Variants in IL12RB1 observed in about 807,000 individuals in gnomAD.
IL12RB1 encodes the protein interleukin 12 receptor subunit beta 1, also known as interleukin-12 receptor subunit beta-1.
Under a neutral mutation model 94.4 loss-of-function variants are expected in IL12RB1, and 64 were observed. That is an observed-to-expected ratio of 0.68 (90% CI 0.55 to 0.83). The LOEUF (loss-of-function observed/expected upper bound fraction) is 0.83, where lower values mean the gene tolerates loss of function less well. Ranked by LOEUF, IL12RB1 falls within the 40% of genes least tolerant of loss-of-function variation. The pLI is 0.00. For missense variants in IL12RB1, 814 were observed against 855.6 expected, an observed-to-expected ratio of 0.95 and a Z score of 0.61; for synonymous variants, 362 against 355.5, an observed-to-expected ratio of 1.02 and a Z score of -0.21.
chr19:18,064,927 C>T (rs2034467597), intron 12 of IL12RB1, among the ~76,000 whole-genome samples: 1 of 152,140 alleles, frequency 6.6e-6, no homozygotes, highest in Admixed American at 6.6e-5. Context: ...GTCAGTTTAC[C>T]ATTACCATGG....
At chr19:18,061,788 G>A (rs954810947) in intron 14 of IL12RB1, among the ~76,000 whole-genome samples, 10 of 151,454 alleles carry the variant, frequency 6.6e-5, no homozygotes, top group Admixed American at 2.0e-4. Flanking sequence ...GCTTGAACCC[G>A]GGAGGGGGAG....
Position 18,061,190 on chromosome 19 carries a change from G to T in IL12RB1, c.1723C>A (p.Arg575=). The part of the protein sequence containing the change: ...LGYLGLNRAA[R]HLCPPLPTPC... ...GTGGGCAGCGGCGGGCACAGGTGCC[G>T]TGCGGCCCTGGGGAGGAAAGGGGAC... The change falls in exon 15 of 17, where the codon CGG becomes AGG. Residue 575 remains arginine (R), a synonymous_variant. Transcript: ENST00000593993. 6.4e-7 allele frequency: 1 copy of T among 1,572,260 alleles called. No individual in the cohort carries two copies.
chr19:18,093,392 GA>G (rs1337899797), intron 1 of IL12RB1, among the ~76,000 whole-genome samples: 1 of 151,288 alleles, frequency 6.6e-6, no homozygotes, highest in Non-Finnish European at 1.5e-5. Flanking sequence ...GTTAACCACA[GA>G]AAAACTGCAT....
At chr19:18,072,060 G>T in intron 9 of IL12RB1, 52 bp downstream of exon 9, 1 of 1,199,416 alleles carries the variant, frequency 8.3e-7, no homozygotes, top group Non-Finnish European at 1.2e-6. Flanking sequence ...CTCAGAGTAG[G>T]TGCTCAGCTC....
intron 13 of IL12RB1, among the ~76,000 whole-genome samples, chr19:18,062,480 CTG>C (rs1273305720): frequency 2.0e-5 from 3 of 152,152 alleles, no homozygotes; most frequent in Admixed American, 6.6e-5. Context: ...GTTCAAGACT[CTG>C]TAATTCCAGG....
intron 10 of IL12RB1, among the ~76,000 whole-genome samples, chr19:18,068,953 T>C (rs1599481236): frequency 6.6e-6 from 1 of 152,152 alleles, no homozygotes; most frequent in East Asian, 1.9e-4. Flanking sequence ...TTTCTCCATG[T>C]TGGCCAGGCT....
Position 18,076,889 on chromosome 19 carries a change from GAGC to G in IL12RB1, c.550-565_550-563del, listed in dbSNP as rs769876304. Among the ~76,000 whole-genome samples, 29 of 152,114 alleles carry G rather than the reference GAGC, an allele frequency of 1.9e-4. No homozygotes were observed. The South Asian group carries it at 2.9e-3, about 15-fold the overall frequency. On this transcript the variant is annotated intron_variant, in intron 5 of 16. Transcript: ENST00000593993. ...ATGTGGGATCCTGGATTGAATCTGG[GAGC>G]AGAAAAAAGACATTCCTGGAAAAAT...
intron 7 of IL12RB1, 21 bp from the exon 8 acceptor site, chr19:18,073,620 A>G (rs1284721660): frequency 1.4e-6 from 2 of 1,461,814 alleles, no homozygotes; most frequent in Non-Finnish European, 1.9e-6. Context: ...AACCAAACCA[A>G]CTAGACGAAT....
At chr19:18,097,909 G>T in intron 1 of IL12RB1, 1 of 1,142,042 alleles carries the variant, frequency 8.8e-7, no homozygotes, top group Non-Finnish European at 1.1e-6. Flanking sequence ...CGGGAGGGGC[G>T]GGGCCTTCAC....
chr19:18,088,855 C>CA (rs2036503448), upstream of IL12RB1, among the ~76,000 whole-genome samples: 1 of 151,994 alleles, frequency 6.6e-6, no homozygotes, highest in South Asian at 2.1e-4. Context: ...CAAGGCGAAA[C>CA]CCTGTCTCTA....
intron 15 of IL12RB1, among the ~76,000 whole-genome samples, chr19:18,060,479 T>C (rs2034042048): frequency 6.6e-6 from 1 of 151,914 alleles, no homozygotes; most frequent in Admixed American, 6.6e-5. Flanking sequence ...ACTCCATATA[T>C]CCTGAGACCG....
At chr19:18,088,747 G>T (rs186630230), upstream of IL12RB1, among the ~76,000 whole-genome samples, 3 of 152,006 alleles carry the variant, frequency 2.0e-5, no homozygotes, top group South Asian at 2.1e-4. Context: ...ACATAATGCT[G>T]GGCTGGGTGC....
chr19:18,098,374 T>TC (rs74312597), intron 1 of IL12RB1, among the ~76,000 whole-genome samples: 57,331 of 151,808 alleles, frequency 0.38, 11,199 homozygotes, highest in Admixed American at 0.43. Flanking sequence ...TGGGATTCGA[T>TC]CTGCGCCCTC....
intron 4 of IL12RB1, among the ~76,000 whole-genome samples, chr19:18,079,589 A>AT: frequency 6.6e-6 from 1 of 151,680 alleles, no homozygotes. Context: ...CGGTGCCTAG[A>AT]TATTCGACTT....
At chr19:18,095,936 G>A (rs2036876907) in intron 1 of IL12RB1, among the ~76,000 whole-genome samples, 1 of 152,088 alleles carries the variant, frequency 6.6e-6, no homozygotes, top group East Asian at 1.9e-4. Context: ...AAAAATGCAG[G>A]TGCTAAGCCA....
chr19:18,073,667 A>C (rs2035243195), intron 7 of IL12RB1, 68 bp from the exon 8 acceptor site: 1 of 950,788 alleles, frequency 1.1e-6, no homozygotes, highest in Admixed American at 1.8e-5. Flanking sequence ...TTTTCTTTGT[A>C]AATGATGGAT....
At chr19:18,081,145 G>A in intron 3 of IL12RB1, 144 bp from the exon 4 acceptor site, 2 of 740,890 alleles carry the variant, frequency 2.7e-6, no homozygotes, top group Non-Finnish European at 4.5e-6. Flanking sequence ...ACCCAGGCTG[G>A]AGTGCAGTCG....
At chr19:18,075,060 AAAC>A (rs1232222688) in intron 7 of IL12RB1, among the ~76,000 whole-genome samples, 1 of 150,720 alleles carries the variant, frequency 6.6e-6, no homozygotes. Context: ...TCAAAAAAAA[AAAC>A]AACAAAAAAC....
At chr19:18,093,027 G>A (rs1254728166) in intron 1 of IL12RB1, among the ~76,000 whole-genome samples, 1 of 151,860 alleles carries the variant, frequency 6.6e-6, no homozygotes, top group Non-Finnish European at 1.5e-5. Context: ...ATGTTAGGCC[G>A]GGCACAGTGG....
Sources: allele counts gnomAD v4.1 joint callset (sites outside exome capture counted in the v4.1 genomes callset), GRCh38; gene constraint gnomAD v4.1.1; transcripts MANE v1.5; gene names NCBI Gene and HGNC (gene_info 2026-07-23, HGNC 2026-07-21).